The following CDH8 variants were observed in gnomAD, a reference collection of about 807,000 sequenced individuals.
The protein encoded by CDH8 is cadherin 8.
A neutral mutation model predicts 68.1 loss-of-function variants in CDH8; 17 were observed. The ratio of observed to expected loss-of-function variants is 0.25; its 90% CI spans 0.17 to 0.37. The LOEUF (loss-of-function observed/expected upper bound fraction) is 0.37. Among genes scored for constraint, CDH8 ranks in the 10% least tolerant of loss-of-function variants. CDH8 has a pLI of 1.00. For synonymous variants in CDH8, 372 were observed against 365.1 expected (o/e 1.02, Z -0.21); for missense variants, 763 against 999.3 (o/e 0.76, Z 3.19).
chr16:61,823,514 A>T (rs1962262043), intron 5 of CDH8, among the ~76,000 whole-genome samples: 1 of 151,868 alleles, frequency 6.6e-6, no homozygotes, highest in African/African-American at 2.4e-5. Context: ...ATCCAACACA[A>T]CTACCCTTGC....
chr16:61,972,733 A>T (rs1965364906), intron 2 of CDH8, among the ~76,000 whole-genome samples: 1 of 152,024 alleles, frequency 6.6e-6, no homozygotes, highest in Admixed American at 6.6e-5. Context: ...GAATGACCTA[A>T]GAATGCTAGG....
At chr16:61,994,786 C>T (rs760455940) in intron 2 of CDH8, among the ~76,000 whole-genome samples, 1 of 152,162 alleles carries the variant, frequency 6.6e-6, no homozygotes, top group African/African-American at 2.4e-5. Context: ...ATGCTTACTG[C>T]GCTTTCAGAA....
At chr16:61,977,288 A>C (rs536262516) in intron 2 of CDH8, among the ~76,000 whole-genome samples, 1 of 152,278 alleles carries the variant, frequency 6.6e-6, no homozygotes, top group Non-Finnish European at 1.5e-5. Context: ...CTGAGTAAGT[A>C]ATGCAAGAAA....
intron 8 of CDH8, among the ~76,000 whole-genome samples, chr16:61,746,459 ATGT>A (rs911065189): frequency 6.6e-6 from 1 of 151,256 alleles, no homozygotes; most frequent in African/African-American, 2.4e-5. Flanking sequence ...CCTTTAAATC[ATGT>A]TGTTCTCCCT....
intron 1 of CDH8, 22 bp from the exon 2 acceptor site, chr16:62,021,624 A>G: frequency 7.7e-7 from 1 of 1,294,848 alleles, no homozygotes; most frequent in Non-Finnish European, 9.9e-7. Context: ...AGGAGGAAGA[A>G]AGATAAGGGT....
chr16:61,846,960 C>T (rs1962818428), intron 4 of CDH8, among the ~76,000 whole-genome samples: 1 of 152,032 alleles, frequency 6.6e-6, no homozygotes, highest in East Asian at 1.9e-4. Flanking sequence ...TGTTCCTGGT[C>T]CACTATCAAC....
chr16:61,878,406 T>C (rs1320282735), intron 3 of CDH8, among the ~76,000 whole-genome samples: 2 of 152,204 alleles, frequency 1.3e-5, no homozygotes, highest in African/African-American at 4.8e-5. Flanking sequence ...CCTGGAGCTA[T>C]AGCACCATGA....
intron 4 of CDH8, among the ~76,000 whole-genome samples, chr16:61,845,522 AC>A (rs1341535139): frequency 2.6e-5 from 4 of 151,508 alleles, no homozygotes; most frequent in South Asian, 2.1e-4. Flanking sequence ...AAAAAAAAAA[AC>A]TATCTAATTA....
chr16:61,956,334 CT>C (rs1348311890), intron 2 of CDH8, among the ~76,000 whole-genome samples: 1 of 152,038 alleles, frequency 6.6e-6, no homozygotes, highest in Non-Finnish European at 1.5e-5. Flanking sequence ...GCAAGACAAC[CT>C]TTGAAAAAGC....
Position 61,713,994 on chromosome 16 carries a change from A to G in CDH8, c.1537-36T>C, listed in dbSNP as rs572371221. ...AAACTTGACGTCAGCATTTCTGATG[A>G]TTTCAGAGGCTCCTGCCATCGGTAA... On this transcript the variant is annotated intron_variant, in intron 9 of 11. Coordinates refer to ENST00000577390, the MANE Select transcript of CDH8 (RefSeq NM_001796.5). 11 of 1,213,052 alleles carry G rather than the reference A, an allele frequency of 9.1e-6. No individual in the cohort carries two copies. In the Admixed American group the frequency reaches 1.7e-4, roughly 19 times the overall value. 75.1% of individuals were successfully genotyped at this position (1,213,052 alleles called of 1,614,324 possible).
chr16:61,757,245 A>G (rs1229289981), intron 8 of CDH8, among the ~76,000 whole-genome samples: 1 of 152,192 alleles, frequency 6.6e-6, no homozygotes, highest in Non-Finnish European at 1.5e-5. Context: ...TTATCCAAAA[A>G]CAAAGCAATA....
At chr16:61,702,381 A>AG (rs1164757136) in intron 10 of CDH8, among the ~76,000 whole-genome samples, 2 of 116,660 alleles carry the variant, frequency 1.7e-5, no homozygotes, top group African/African-American at 6.2e-5. Context: ...CAAAAAAAGA[A>AG]AAAAAAAAAA....
chr16:61,934,463 T>C (rs1185722211), intron 2 of CDH8, among the ~76,000 whole-genome samples: 6 of 152,180 alleles, frequency 3.9e-5, no homozygotes, highest in Non-Finnish European at 5.9e-5. Context: ...TTGTATCCTA[T>C]GCATTTAAGA....
chr16:61,691,105 CTTTG>C (rs1964214224), intron 10 of CDH8, among the ~76,000 whole-genome samples: 2 of 152,188 alleles, frequency 1.3e-5, no homozygotes, highest in South Asian at 2.1e-4. Flanking sequence ...AATCATGCAC[CTTTG>C]TTTGCCGCAC....
chr16:61,728,629 G>A (rs1437388660), intron 8 of CDH8, among the ~76,000 whole-genome samples: 1 of 151,064 alleles, frequency 6.6e-6, no homozygotes, highest in East Asian at 1.9e-4. Flanking sequence ...TCTAACACAA[G>A]GCACTCATAT....
intron 8 of CDH8, among the ~76,000 whole-genome samples, chr16:61,768,369 C>CTCTCTCTCTCTCTCTCTCTCTCT (rs1567461189): frequency 2.1e-4 from 5 of 23,542 alleles, no homozygotes; most frequent in Admixed American, 5.6e-4. Context: ...TCTCTCTCTC[C>CTCTCTCTCTCTCTCTCTCTCTCT]CTTTCTCTCT....
At chr16:61,673,902 T>C (rs1963844742) in intron 10 of CDH8, among the ~76,000 whole-genome samples, 1 of 152,076 alleles carries the variant, frequency 6.6e-6, no homozygotes, top group African/African-American at 2.4e-5. Flanking sequence ...TTGTGAAATA[T>C]GATAAGGTTC....
At chr16:61,883,446 C>T (rs1358356277) in intron 3 of CDH8, among the ~76,000 whole-genome samples, 1 of 151,966 alleles carries the variant, frequency 6.6e-6, no homozygotes, top group Non-Finnish European at 1.5e-5. Flanking sequence ...ACGACTTAAG[C>T]AGGCAACATT....
chr16:61,909,038 T>C (rs189380870), intron 2 of CDH8, among the ~76,000 whole-genome samples: 1 of 151,870 alleles, frequency 6.6e-6, no homozygotes, highest in East Asian at 1.9e-4. Flanking sequence ...GGAGAAATAA[T>C]CCTTGATCAA....
Sources: allele counts gnomAD v4.1 joint callset (sites outside exome capture counted in the v4.1 genomes callset), GRCh38; gene constraint gnomAD v4.1.1; transcripts MANE v1.5; gene names NCBI Gene and HGNC (gene_info 2026-07-23, HGNC 2026-07-21).